Variants in DDX60L observed in about 807,000 individuals in gnomAD.
The protein encoded by DDX60L is probable ATP-dependent RNA helicase DDX60-like.
DDX60L carries 191 observed loss-of-function variants against 211.6 expected under a neutral mutation model. The observed-to-expected ratio is 0.90, with a 90% CI of 0.80 to 1.02. The LOEUF is 1.02. Among genes scored for constraint, DDX60L ranks in the 50% least tolerant of loss-of-function variants. The probability of loss-of-function intolerance (pLI) is 0.00; values close to 1 mark genes in which losing one functional copy is unlikely to be tolerated. For synonymous variants in DDX60L, 706 were observed against 694.1 expected (o/e 1.02, Z -0.27); for missense variants, 2,007 against 1,984.1 (o/e 1.01, Z -0.22).
chr4:168,382,743 G>A (rs1432621982), intron 30 of DDX60L, among the ~76,000 whole-genome samples: 1 of 151,932 alleles, frequency 6.6e-6, no homozygotes, highest in Non-Finnish European at 1.5e-5. Flanking sequence ...TATATTATCA[G>A]TTTTCACTCA....
chr4:168,465,444 T>C (rs1757863014), intron 4 of DDX60L, among the ~76,000 whole-genome samples: 1 of 152,130 alleles, frequency 6.6e-6, no homozygotes, highest in Non-Finnish European at 1.5e-5. Flanking sequence ...ATTCTGAAGG[T>C]GTCTCTTTAC....
intron 35 of DDX60L, among the ~76,000 whole-genome samples, chr4:168,372,002 C>T (rs768508392): frequency 4.6e-5 from 7 of 152,092 alleles, no homozygotes; most frequent in Admixed American, 4.6e-4. Context: ...CGGGAATGGG[C>T]AGCACCGCTG....
At chr4:168,434,440 T>TA (rs1363030290) in intron 10 of DDX60L, among the ~76,000 whole-genome samples, 1 of 152,096 alleles carries the variant, frequency 6.6e-6, no homozygotes, top group Non-Finnish European at 1.5e-5. Context: ...CTATGAGAAA[T>TA]AAAATTGTAA....
At chr4:168,462,749 G>T (rs1378598837) in intron 4 of DDX60L, among the ~76,000 whole-genome samples, 1 of 152,076 alleles carries the variant, frequency 6.6e-6, no homozygotes, top group African/African-American at 2.4e-5. Context: ...GGAGGCGGAG[G>T]TTGCAGTGAG....
At chr4:168,465,990 C>A (rs904804480) in intron 4 of DDX60L, among the ~76,000 whole-genome samples, 1 of 151,832 alleles carries the variant, frequency 6.6e-6, no homozygotes, top group Non-Finnish European at 1.5e-5. Context: ...AAAAAAGAAT[C>A]ACAAGAGATG....
intron 10 of DDX60L, among the ~76,000 whole-genome samples, chr4:168,440,611 C>G (rs576050602): frequency 3.9e-5 from 6 of 152,256 alleles, no homozygotes; most frequent in African/African-American, 1.2e-4. Flanking sequence ...CTCTTCCCTT[C>G]CCCCAGCTAA....
intron 35 of DDX60L, among the ~76,000 whole-genome samples, chr4:168,372,956 G>A (rs909038801): frequency 6.6e-6 from 1 of 152,170 alleles, no homozygotes; most frequent in Admixed American, 6.5e-5. Context: ...CTTTTAAAAT[G>A]TCAATATTTA....
intron 29 of DDX60L, among the ~76,000 whole-genome samples, chr4:168,389,846 T>G (rs1372748336): frequency 6.6e-6 from 1 of 152,190 alleles, no homozygotes; most frequent in East Asian, 1.9e-4. Flanking sequence ...CTGAGATGCA[T>G]GAAATACTTT....
At chr4:168,406,337 A>C (rs549943512) in intron 23 of DDX60L, among the ~76,000 whole-genome samples, 17 of 152,204 alleles carry the variant, frequency 1.1e-4, no homozygotes, top group Non-Finnish European at 1.3e-4. Flanking sequence ...AGAGGAATAT[A>C]AGTCCAAAAA....
chr4:168,405,066 T>C lies in DDX60L; in HGVS notation c.3213+884A>G, dbSNP rs148500835. Among the ~76,000 whole-genome samples, 5 of 152,048 alleles carry C rather than the reference T, an allele frequency of 3.3e-5. No homozygotes were observed. In the East Asian group the frequency reaches 9.7e-4, roughly 29 times the overall value. The stretch of plus-strand genomic sequence containing the variant: ...CTCTGTTGCCCAGACTGGAGTACAG[T>C]GGCATGATCTTGGCTCACTGCAACC... On this transcript the variant is annotated intron_variant, in intron 24 of 37. Transcript: ENST00000682922.
At chr4:168,455,272 T>TTGTGTGTGTGTGTGTGTGTGTGTGTGTG (rs34353821) in intron 7 of DDX60L, among the ~76,000 whole-genome samples, 1 of 144,088 alleles carries the variant, frequency 6.9e-6, no homozygotes, top group African/African-American at 2.7e-5. Flanking sequence ...CATACAAACT[T>TTGTGTGTGTGTGTGTGTGTGTGTGTGTG]TGTGTGTGTG....
chr4:168,435,217 G>C (rs955616922), intron 10 of DDX60L, among the ~76,000 whole-genome samples: 1 of 152,180 alleles, frequency 6.6e-6, no homozygotes, highest in Non-Finnish European at 1.5e-5. Context: ...GTTTCAGAAT[G>C]CGTAACTGGG....
rs772593098 is a variant in DDX60L, at chr4:168,391,654, A to G, written c.3811-10T>C. 3.2e-5 allele frequency: 47 copies of G among 1,463,272 alleles called. No homozygotes were observed. The highest frequency in any genetic ancestry group is 7.7e-5 in the South Asian group (6 of 78,042). 90.6% of individuals were successfully genotyped at this position (1,463,272 alleles called of 1,614,324 possible). ...CAGTAGCTGTCACTACCTAGGAAAAAAAAAAAAAAACAGTCAATACACAAT... is the reference window on the plus strand; with the variant it reads ...CAGTAGCTGTCACTACCTAGGAAAAGAAAAAAAAAACAGTCAATACACAAT... On this transcript the variant is annotated splice_polypyrimidine_tract_variant and intron_variant, in intron 28 of 37. Transcript: ENST00000682922.
intron 28 of DDX60L, 55 bp from the exon 29 acceptor site, chr4:168,391,699 A>G: frequency 1.0e-6 from 1 of 967,372 alleles, no homozygotes; most frequent in Non-Finnish European, 1.5e-6. Context: ...CTATAAGGAC[A>G]CAAGATCTAT....
chr4:168,410,484 G>A lies in DDX60L; in HGVS notation c.2980-3778C>T, dbSNP rs557731368. On this transcript the variant is annotated intron_variant, in intron 22 of 37. Transcript: ENST00000682922. ...AAGTCTGAAATTTATTTCCAGTGGA[G>A]AAACATTGAAGACTTTTGAGTAGAA... Among the ~76,000 whole-genome samples, 6 of 152,266 alleles carry A rather than the reference G, an allele frequency of 3.9e-5. No individual in the cohort carries two copies. The East Asian group carries it at 1.2e-3, about 29-fold the overall frequency.
chr4:168,379,261 A>C (rs1193766445), intron 32 of DDX60L, 102 bp downstream of exon 32: 1 of 1,094,898 alleles, frequency 9.1e-7, no homozygotes, highest in Admixed American at 2.8e-5. Flanking sequence ...TATTTGCTTT[A>C]ATAAATGAGA....
chr4:168,463,239 T>C (rs767202687), intron 4 of DDX60L, among the ~76,000 whole-genome samples: 4 of 152,238 alleles, frequency 2.6e-5, no homozygotes, highest in African/African-American at 4.8e-5. Flanking sequence ...AACTAAGTCA[T>C]TGATGATAGA....
chr4:168,392,352 C>G (rs1368465566), intron 28 of DDX60L, among the ~76,000 whole-genome samples: 4 of 152,136 alleles, frequency 2.6e-5, no homozygotes, highest in Non-Finnish European at 5.9e-5. Flanking sequence ...CTGTCAAATA[C>G]ACTAATATTA....
chr4:168,406,190 G>A, intron 23 of DDX60L, 112 bp from the exon 24 acceptor site: 1 of 1,022,090 alleles, frequency 9.8e-7, no homozygotes, highest in Non-Finnish European at 1.4e-6. Flanking sequence ...CAAACTCCTT[G>A]AGGGCAGAGG....
Sources: gnomAD v4.1 joint callset for allele counts (sites outside exome capture counted in the v4.1 genomes callset) on GRCh38, gnomAD v4.1.1 for gene constraint, MANE v1.5 for transcripts, NCBI Gene and HGNC (gene_info 2026-07-23, HGNC 2026-07-21) for gene names.